Variants in DOCK1 observed in about 807,000 individuals in gnomAD.
DOCK1 encodes dedicator of cytokinesis protein 1.
In DOCK1, 138 loss-of-function variants were observed where a neutral mutation model predicts 262.7. That is an observed-to-expected ratio of 0.53 (90% confidence interval 0.46 to 0.61). The LOEUF (loss-of-function observed/expected upper bound fraction) is 0.61, where lower values mean the gene tolerates loss of function less well. Among genes scored for constraint, DOCK1 ranks in the 20% least tolerant of loss-of-function variants. The pLI is 0.00. For synonymous variants in DOCK1, 866 were observed against 867.4 expected, an observed-to-expected ratio of 1.00 and a Z score of 0.03; for missense variants, 1,908 against 2,370.7, an observed-to-expected ratio of 0.80 and a Z score of 4.05.
intron 25 of DOCK1, among the ~76,000 whole-genome samples, chr10:127,114,759 C>CTTT (rs57979480): frequency 3.7e-5 from 4 of 108,298 alleles, no homozygotes; most frequent in Admixed American, 2.9e-4. Context: ...TTTTTTCTTT[C>CTTT]TTTTTTTTTT....
intron 18 of DOCK1, among the ~76,000 whole-genome samples, chr10:127,033,848 C>G (rs1294468004): frequency 6.6e-6 from 1 of 152,208 alleles, no homozygotes; most frequent in Non-Finnish European, 1.5e-5. Flanking sequence ...ACTTTGCACT[C>G]TGTTGTTCTG....
rs747844641 is a variant in DOCK1, at chr10:127,043,165, G to A, written c.2201+1G>A. On this transcript the variant is annotated splice_donor_variant, in intron 21 of 51. Transcript: ENST00000623213. LOFTEE classifies it high-confidence loss of function. Reference sequence around the variant, plus strand: ...ACTTTAGTGCAACGTTAGCCTACACGTAAGTTCCTACTTTGTTTTAAAACC... The same window carrying A: ...ACTTTAGTGCAACGTTAGCCTACACATAAGTTCCTACTTTGTTTTAAAACC... The A allele has an allele frequency of 1.9e-6, 3 of 1,601,122 alleles. No homozygotes were observed. The highest frequency in any genetic ancestry group is 1.1e-5 in the South Asian group (1 of 88,434).
chr10:127,149,611 A>G (rs1425360144), intron 27 of DOCK1, among the ~76,000 whole-genome samples: 1 of 152,116 alleles, frequency 6.6e-6, no homozygotes, highest in Admixed American at 6.6e-5. Flanking sequence ...GGAGAGGGTA[A>G]TTGGGTTTCG....
intron 48 of DOCK1, among the ~76,000 whole-genome samples, chr10:127,434,825 T>C (rs1048721162): frequency 6.6e-6 from 1 of 152,104 alleles, no homozygotes; most frequent in Non-Finnish European, 1.5e-5. Context: ...GCCAATTCTT[T>C]GTATATTTAG....
intron 27 of DOCK1, among the ~76,000 whole-genome samples, chr10:127,210,566 G>T (rs769004286): frequency 1.1e-4 from 17 of 152,194 alleles, no homozygotes; most frequent in Non-Finnish European, 2.5e-4. Context: ...CTCTTGCTCT[G>T]TCTCGTTGAA....
chr10:127,016,094 T>G (rs906705566), intron 12 of DOCK1: 2 of 152,358 alleles, frequency 1.3e-5, no homozygotes, highest in Middle Eastern at 3.4e-3. Flanking sequence ...AGTTGCATAT[T>G]TCTCTAAGAG....
intron 29 of DOCK1, among the ~76,000 whole-genome samples, chr10:127,299,595 G>T (rs559625521): frequency 1.3e-5 from 2 of 152,348 alleles, no homozygotes; most frequent in East Asian, 3.9e-4. Context: ...TTCAGAGGGA[G>T]CATCGCCTTG....
intron 1 of DOCK1, among the ~76,000 whole-genome samples, chr10:126,929,033 CTG>C (rs1564988739): frequency 6.6e-6 from 1 of 152,166 alleles, no homozygotes; most frequent in South Asian, 2.1e-4. Context: ...TCTAGAAAGA[CTG>C]TAGGCTGGAG....
chr10:127,372,723 C>T (rs1184852761), intron 33 of DOCK1, among the ~76,000 whole-genome samples: 2 of 152,222 alleles, frequency 1.3e-5, no homozygotes, highest in African/African-American at 2.4e-5. Flanking sequence ...GGTGATTGAA[C>T]ATGGCTTTAG....
intron 32 of DOCK1, among the ~76,000 whole-genome samples, chr10:127,361,566 T>C (rs1427768556): frequency 2.0e-5 from 3 of 152,184 alleles, no homozygotes; most frequent in Admixed American, 2.0e-4. Flanking sequence ...CCCTGCATTA[T>C]TTACAGAGGT....
chr10:127,201,062 T>G (rs1564898660), intron 27 of DOCK1, among the ~76,000 whole-genome samples: 1 of 152,310 alleles, frequency 6.6e-6, no homozygotes, highest in African/African-American at 2.4e-5. Context: ...GAAAAGTAAC[T>G]CATATCGCCT....
intron 1 of DOCK1, among the ~76,000 whole-genome samples, chr10:126,949,103 G>A (rs1420973155): frequency 6.6e-6 from 1 of 152,092 alleles, no homozygotes; most frequent in South Asian, 2.1e-4. Context: ...GGGGGGAGGT[G>A]CATCCTGCCC....
rs200993205 is a variant in DOCK1, at chr10:127,012,322, G to C, written c.1149G>C (p.Gln383His). Reference protein sequence around the residue: ...PRVAGENDFLQTVINKVIAAK... With the variant: ...PRVAGENDFLHTVINKVIAAK... ...TGGCAGGGGAGAATGACTTCCTTCA[G>C]ACTGTTATAAACAAAGTCATCGCTG... The change falls in exon 12 of 52, where the codon CAG (glutamine) becomes CAC (histidine). Residue 383 changes from glutamine to histidine, a missense_variant. Gln to His is a conservative substitution (Grantham distance 24). Transcript: ENST00000623213. The surrounding 1 kb of genome is among the most constrained non-coding windows in gnomAD (Gnocchi z 4.0). 3.2e-4 allele frequency: 513 copies of C among 1,614,018 alleles called. No individual in the cohort carries two copies. Among genetic ancestry groups the C allele is most frequent in the South Asian group, 5.6e-4 (51 of 91,084 alleles).
At chr10:127,214,967 G>A (rs529556519) in intron 27 of DOCK1, among the ~76,000 whole-genome samples, 5 of 152,104 alleles carry the variant, frequency 3.3e-5, no homozygotes, top group Non-Finnish European at 2.9e-5. Context: ...CTGGTCACCC[G>A]CTCCTTTCCG....
chr10:127,178,478 T>C (rs1386544904), intron 27 of DOCK1, among the ~76,000 whole-genome samples: 1 of 152,088 alleles, frequency 6.6e-6, no homozygotes, highest in Non-Finnish European at 1.5e-5. Context: ...GTGTGACAAC[T>C]AGAAATGTCT....
At position 127,043,050 on chromosome 10, in the gene DOCK1, G is replaced by T; in HGVS notation, c.2101-14G>T. The T allele has an allele frequency of 6.4e-7, 1 of 1,573,062 alleles. No homozygotes were observed. Among genetic ancestry groups the T allele is most frequent in the South Asian group, 1.2e-5 (1 of 86,784 alleles). ...TTATGTTGCTAATGAAAATATTATT[G>T]ATTAATTTGACAGGTATTTATCATT... is the stretch of plus-strand genomic sequence containing the variant. On this transcript the variant is annotated splice_polypyrimidine_tract_variant and intron_variant, in intron 20 of 51. Coordinates refer to ENST00000623213, the MANE Select transcript of DOCK1 (RefSeq NM_001290223.2).
Position 127,052,214 on chromosome 10 carries a change from G to A in DOCK1, c.2202-467G>A, listed in dbSNP as rs554833767. On this transcript the variant is annotated intron_variant, in intron 21 of 51. Transcript: ENST00000623213. ...CTTTGCTCTCAGAGGTATTTTATCAGGCACATTTACTGATTAGAAAACGTT... is the reference window on the plus strand; with the variant it reads ...CTTTGCTCTCAGAGGTATTTTATCAAGCACATTTACTGATTAGAAAACGTT... Among the ~76,000 whole-genome samples, 5 of 152,308 alleles carry A rather than the reference G, an allele frequency of 3.3e-5. No individual in the cohort carries two copies. The East Asian group carries it at 9.6e-4, about 29-fold the overall frequency.
intron 27 of DOCK1, chr10:127,136,935 A>G (rs1289729949): frequency 6.6e-6 from 1 of 152,658 alleles, no homozygotes; most frequent in Non-Finnish European, 1.5e-5. Context: ...ACTGTCTGCC[A>G]TGGCACAGAA....
At chr10:127,342,396 T>C (rs766605507) in intron 30 of DOCK1, among the ~76,000 whole-genome samples, 1 of 152,160 alleles carries the variant, frequency 6.6e-6, no homozygotes, top group Non-Finnish European at 1.5e-5. Flanking sequence ...GGTGCCTGGC[T>C]CAGACCCCCA....
Sources: gnomAD v4.1 joint callset for allele counts (sites outside exome capture counted in the v4.1 genomes callset) on GRCh38, gnomAD v4.1.1 for gene constraint, Gnocchi (gnomAD v3.1) non-coding constraint, MANE v1.5 for transcripts, NCBI Gene and HGNC (gene_info 2026-07-23, HGNC 2026-07-21) for gene names.